The following SPIRE1 variants were observed in gnomAD, a reference collection of about 807,000 sequenced individuals.
The protein encoded by SPIRE1 is protein spire homolog 1.
Under a neutral mutation model 94.1 loss-of-function variants are expected in SPIRE1, and 40 were observed. The observed-to-expected ratio is 0.43, with a 90% CI of 0.33 to 0.55. The LOEUF is 0.55. SPIRE1 is among the 20% of genes least tolerant of loss of function. The pLI is 0.06. For synonymous variants in SPIRE1, 376 were observed against 371.7 expected, an observed-to-expected ratio of 1.01 and a Z score of -0.13; for missense variants, 838 against 975.2, an observed-to-expected ratio of 0.86 and a Z score of 1.87.
At chr18:12,517,208 T>TTAAAC (rs1170241233) in intron 4 of SPIRE1, among the ~76,000 whole-genome samples, 2 of 152,236 alleles carry the variant, frequency 1.3e-5, no homozygotes, top group Non-Finnish European at 2.9e-5. Flanking sequence ...TAGGTATTAG[T>TTAAAC]TATTATGTCA....
intron 6 of SPIRE1, among the ~76,000 whole-genome samples, chr18:12,504,443 G>T (rs2033766351): frequency 6.6e-6 from 1 of 152,066 alleles, no homozygotes; most frequent in Non-Finnish European, 1.5e-5. Context: ...GGAGGTGGAG[G>T]TTGCAGTGAG....
intron 12 of SPIRE1, among the ~76,000 whole-genome samples, chr18:12,458,692 G>A (rs1311632257): frequency 6.6e-6 from 1 of 152,162 alleles, no homozygotes; most frequent in Non-Finnish European, 1.5e-5. Flanking sequence ...TTAGTGTTCA[G>A]ATATCTCTGT....
At chr18:12,452,564 G>A in intron 14 of SPIRE1, 52 bp from the exon 15 acceptor site, 1 of 1,584,106 alleles carries the variant, frequency 6.3e-7, no homozygotes, top group Non-Finnish European at 8.7e-7. Context: ...GGACGCAACT[G>A]GGAGTTAGAG....
At chr18:12,508,808 G>A (rs1189001175) in intron 5 of SPIRE1, among the ~76,000 whole-genome samples, 1 of 151,922 alleles carries the variant, frequency 6.6e-6, no homozygotes, top group Non-Finnish European at 1.5e-5. Context: ...CTGAGTAGCT[G>A]GGATTACAGG....
chr18:12,638,650 T>C (rs2038002191), intron 1 of SPIRE1, among the ~76,000 whole-genome samples: 1 of 152,186 alleles, frequency 6.6e-6, no homozygotes, highest in African/African-American at 2.4e-5. Context: ...AAATCTCCTG[T>C]TCAATTATAA....
chr18:12,589,814 G>A (rs2036482275), intron 2 of SPIRE1, among the ~76,000 whole-genome samples: 1 of 152,218 alleles, frequency 6.6e-6, no homozygotes, highest in African/African-American at 2.4e-5. Context: ...GTCAAAACAG[G>A]GAAGCAGGGA....
At chr18:12,554,064 G>A (rs908595571) in intron 2 of SPIRE1, among the ~76,000 whole-genome samples, 5 of 152,112 alleles carry the variant, frequency 3.3e-5, no homozygotes, top group Non-Finnish European at 7.4e-5. Flanking sequence ...ACTTTGGGAG[G>A]CCAAGGTGGG....
rs1359313906 is a variant in SPIRE1, at chr18:12,486,020, CA to C, written c.1190-21del. On this transcript the variant is annotated intron_variant, in intron 8 of 16. Transcript: ENST00000409402. ...GCATTGCTGAAAAAAAGAAAACAAA[CA>C]ATAAAAAGAAAATAATTCAGCTGTT... 6.6e-7 allele frequency: 1 copy of C among 1,510,422 alleles called. No individual in the cohort carries two copies. The highest frequency in any genetic ancestry group is 2.5e-5 in the Admixed American group (1 of 40,602). 93.6% of individuals were successfully genotyped at this position (1,510,422 alleles called of 1,614,324 possible).
chr18:12,625,430 T>C (rs987257480), intron 2 of SPIRE1, among the ~76,000 whole-genome samples: 6 of 152,246 alleles, frequency 3.9e-5, no homozygotes, highest in Admixed American at 3.9e-4. Flanking sequence ...TCCAGTCCTC[T>C]TTGACAATAC....
At chr18:12,502,024 A>G (rs1341797679) in intron 6 of SPIRE1, among the ~76,000 whole-genome samples, 1 of 151,952 alleles carries the variant, frequency 6.6e-6, no homozygotes, top group Non-Finnish European at 1.5e-5. Context: ...GCTAGCAAAC[A>G]TTTTCCATTT....
In SPIRE1 at chr18:12,622,111, T is replaced by A. The variant is rs142736087; in HGVS notation, c.372+12951A>T. Among the ~76,000 whole-genome samples, 1,019 of 152,264 alleles carry A rather than the reference T, an allele frequency of 6.7e-3. 11 individuals carry two copies. Among genetic ancestry groups the A allele is most frequent in the Middle Eastern group, 0.014 (4 of 294 alleles). ...TCTATCATACTGACTTCTCTCCACG[T>A]CACAGGCCAGCTACTCCTTCAGTCA... On this transcript the variant is annotated intron_variant, in intron 2 of 16. Coordinates refer to ENST00000409402, the MANE Select transcript of SPIRE1 (RefSeq NM_001128626.2).
chr18:12,579,176 G>A (rs1266190427), intron 2 of SPIRE1, among the ~76,000 whole-genome samples: 1 of 141,256 alleles, frequency 7.1e-6, no homozygotes, highest in East Asian at 2.2e-4. Flanking sequence ...TCCACTGAGA[G>A]GAAAAAGTTT....
rs769895651 is a variant in SPIRE1, at chr18:12,479,890, C to T, written c.1232-19G>A. ...GTCACATCTGGTAAAAAAGCAAAAG[C>T]TTACCTTTTCTTGAGCCAAGAAAGG... On this transcript the variant is annotated intron_variant, in intron 9 of 16. Transcript: ENST00000409402. 15 of 1,605,540 alleles carry T rather than the reference C, an allele frequency of 9.3e-6. No individual in the cohort carries two copies. Among genetic ancestry groups the T allele is most frequent in the Non-Finnish European group, 1.3e-5 (15 of 1,176,700 alleles).
chr18:12,589,192 C>T (rs944969164), intron 2 of SPIRE1, among the ~76,000 whole-genome samples: 9 of 146,616 alleles, frequency 6.1e-5, no homozygotes, highest in Admixed American at 4.8e-4. Flanking sequence ...CACCCAATTT[C>T]AGAGATGAAG....
rs558493803 is a variant in SPIRE1 at position 12,453,730 on chromosome 18, G to A, written c.1777-592C>T. ...ATTACAGGCGTGAGCCACTGCACCC[G>A]GCCTTCTCAGATACATTTTCTTTAC... On this transcript the variant is annotated intron_variant, in intron 13 of 16. Coordinates refer to ENST00000409402, the MANE Select transcript of SPIRE1 (RefSeq NM_001128626.2). Among the ~76,000 whole-genome samples the A allele has an allele frequency of 4.6e-5, 7 of 151,986 alleles. No homozygotes were observed. The South Asian group carries it at 1.5e-3, about 32-fold the overall frequency.
In SPIRE1 at chr18:12,449,790, T is replaced by C; in HGVS notation, c.2119A>G (p.Lys707Glu). ...STMEVCVDCK[K>E]FISEIISSSR... is the part of the protein sequence containing the mutation. ...GAACTGATGATTTCCGAAATGAACT[T>C]CTTGCAGTCCACACACACCTCCATG... The change falls in exon 17 of 17, where the codon AAG becomes GAG. Residue 707 changes from lysine to glutamate, a missense_variant. By Grantham distance (56) the Lys-to-Glu change is moderately conservative. Around this residue, in one of 2 missense-constraint regions of SPIRE1, gnomAD observed 645 missense variants for 804.7 expected, o/e 0.80. Transcript: ENST00000409402. 6.2e-7 allele frequency: 1 copy of C among 1,614,106 alleles called. No individual in the cohort carries two copies.
chr18:12,615,345 A>AAAAAAAATAAAAAAAAATATATATAT, intron 2 of SPIRE1, among the ~76,000 whole-genome samples: 1 of 17,242 alleles, frequency 5.8e-5, no homozygotes, highest in African/African-American at 1.2e-4. Flanking sequence ...AAAAAAAAAA[A>AAAAAAAATAAAAAAAAATATATATAT]ATATATATAT....
At chr18:12,457,849 T>TC (rs2031591546) in intron 12 of SPIRE1, among the ~76,000 whole-genome samples, 1 of 147,470 alleles carries the variant, frequency 6.8e-6, no homozygotes, top group African/African-American at 2.5e-5. Context: ...CTTTTTTCTT[T>TC]TTTTTTTTTT....
chr18:12,476,891 A>C (rs1414436678), intron 10 of SPIRE1, among the ~76,000 whole-genome samples: 2 of 152,138 alleles, frequency 1.3e-5, no homozygotes, highest in African/African-American at 4.8e-5. Context: ...CACTGACTTA[A>C]GAACTATGAT....
Sources: gnomAD v4.1 joint callset for allele counts (sites outside exome capture counted in the v4.1 genomes callset) on GRCh38, gnomAD v4.1.1 for gene constraint, gnomAD v4.1.1 regional missense constraint, MANE v1.5 for transcripts, NCBI Gene and HGNC (gene_info 2026-07-23, HGNC 2026-07-21) for gene names.